Variants in KALRN observed in about 807,000 individuals in gnomAD.
KALRN encodes kalirin RhoGEF kinase.
KALRN carries 70 observed loss-of-function variants against 353.7 expected under a neutral mutation model. That is an observed-to-expected ratio of 0.20 (90% confidence interval 0.16 to 0.24). The LOEUF (loss-of-function observed/expected upper bound fraction) is 0.24, where lower values mean the gene tolerates loss of function less well. Among genes scored for constraint, KALRN ranks in the 10% least tolerant of loss-of-function variants. KALRN has a pLI of 1.00. For missense variants in KALRN, 2,791 were observed against 3,756.7 expected (o/e 0.74, Z 6.72); for synonymous variants, 1,391 against 1,434.8 (o/e 0.97, Z 0.69).
intron 9 of KALRN, among the ~76,000 whole-genome samples, chr3:124,344,884 T>C (rs1262586047): frequency 6.6e-6 from 1 of 152,208 alleles, no homozygotes; most frequent in Non-Finnish European, 1.5e-5. Context: ...GCAAAGTAAC[T>C]TAAAAAGGAA....
chr3:124,713,471 G>A (rs553467217), intron 58 of KALRN, among the ~76,000 whole-genome samples: 4 of 152,134 alleles, frequency 2.6e-5, no homozygotes, highest in South Asian at 4.2e-4. Context: ...AGAGCTTGTC[G>A]ACAGTAGGCT....
intron 34 of KALRN, among the ~76,000 whole-genome samples, chr3:124,609,045 A>G (rs531349636): frequency 6.6e-6 from 1 of 152,304 alleles, no homozygotes; most frequent in South Asian, 2.1e-4. Context: ...AGCGGACTGA[A>G]GAAAGGTCAT....
chr3:124,396,242 C>A (rs548096978), intron 12 of KALRN, among the ~76,000 whole-genome samples: 1 of 143,060 alleles, frequency 7.0e-6, no homozygotes, highest in African/African-American at 2.5e-5. Flanking sequence ...GAGGGAATTA[C>A]GTCAATTGGA....
chr3:124,063,741 G>A (rs2042143090), intron 1 of KALRN, among the ~76,000 whole-genome samples: 1 of 152,210 alleles, frequency 6.6e-6, no homozygotes, highest in Non-Finnish European at 1.5e-5. Context: ...ATATTTGGCA[G>A]ATGGTCAACT....
chr3:124,703,093 T>C (rs593672), intron 57 of KALRN, among the ~76,000 whole-genome samples: 93,636 of 151,970 alleles, frequency 0.62, 29,138 homozygotes, highest in East Asian at 0.9. Flanking sequence ...TTGACATCAT[T>C]TCTAGCTCTG....
At chr3:124,107,700 A>T (rs2062436473) in intron 1 of KALRN, among the ~76,000 whole-genome samples, 1 of 152,192 alleles carries the variant, frequency 6.6e-6, no homozygotes, top group Non-Finnish European at 1.5e-5. Context: ...CTGCGCTGGC[A>T]GAGGCAGCAC....
chr3:124,209,368 G>T (rs1322601926), intron 1 of KALRN, among the ~76,000 whole-genome samples: 1 of 151,752 alleles, frequency 6.6e-6, no homozygotes, highest in Non-Finnish European at 1.5e-5. Context: ...CAGCTGGGTG[G>T]TGGTGGTGTG....
chr3:124,108,548 C>A lies in KALRN; in HGVS notation c.73+74735C>A, dbSNP rs567803534. 3.2e-4 allele frequency among the ~76,000 whole-genome samples: 49 copies of A among 152,236 alleles called. No homozygotes were observed. In the South Asian group the frequency reaches 9.4e-3, roughly 29 times the overall value. On this transcript the variant is annotated intron_variant, in intron 1 of 59. Coordinates refer to ENST00000682506, the MANE Select transcript of KALRN (RefSeq NM_001388419.1). ...TCCTTGGTCATGTGACCTGCTTTGGCCAATGAAACGTGAGCAGAAGTCAGG... is the reference window on the plus strand; with the variant it reads ...TCCTTGGTCATGTGACCTGCTTTGGACAATGAAACGTGAGCAGAAGTCAGG...
intron 1 of KALRN, among the ~76,000 whole-genome samples, chr3:124,188,837 A>G (rs980946132): frequency 2.0e-5 from 3 of 152,158 alleles, no homozygotes; most frequent in Non-Finnish European, 4.4e-5. Flanking sequence ...ACTTTAGCAT[A>G]TTTGTATTCG....
In KALRN at chr3:124,334,370, C is replaced by G. The variant is rs1444242851; in HGVS notation, c.1522C>G (p.Gln508Glu). 8.1e-6 allele frequency: 13 copies of G among 1,614,254 alleles called. No homozygotes were observed. Among genetic ancestry groups the G allele is most frequent in the Non-Finnish European group, 1.1e-5 (13 of 1,180,042 alleles). Residue 508 changes from glutamine (Q) to glutamate (E), a missense_variant, in exon 9 of 60, where the codon CAG becomes GAG. Transcript: ENST00000682506. This position sits in a 1 kb window ranked among gnomAD's most constrained non-coding sequence, Gnocchi z 4.2. ...AGCCAACTACTCCAAGGCAGTGCAC[C>G]AGGTGCTGGACGTGGTGCATGAGGT... is the stretch of plus-strand genomic sequence containing the variant. The part of the protein sequence containing the change: ...ATANYSKAVH[Q>E]VLDVVHEVLH...
intron 1 of KALRN, among the ~76,000 whole-genome samples, chr3:124,221,461 C>T (rs1452810062): frequency 6.6e-6 from 1 of 152,160 alleles, no homozygotes; most frequent in Non-Finnish European, 1.5e-5. Flanking sequence ...GCATCAGGAT[C>T]AGTTAATGGG....
chr3:124,405,008 G>A (rs2091352640), intron 13 of KALRN, among the ~76,000 whole-genome samples: 1 of 152,044 alleles, frequency 6.6e-6, no homozygotes, highest in Non-Finnish European at 1.5e-5. Flanking sequence ...TCATCTTTGT[G>A]CACTCTTCCT....
chr3:124,547,323 A>AT (rs1050687653), intron 33 of KALRN, among the ~76,000 whole-genome samples: 1 of 151,396 alleles, frequency 6.6e-6, no homozygotes, highest in Non-Finnish European at 1.5e-5. Context: ...TTTATTTAGT[A>AT]TTTTTTACAG....
chr3:124,705,424 A>G (rs2062555568), intron 57 of KALRN, among the ~76,000 whole-genome samples: 1 of 152,186 alleles, frequency 6.6e-6, no homozygotes. Flanking sequence ...CAGATGAAAG[A>G]ATGATAAATG....
At chr3:124,434,881 A>C (rs372483610) in intron 17 of KALRN, among the ~76,000 whole-genome samples, 1 of 152,184 alleles carries the variant, frequency 6.6e-6, no homozygotes, top group Admixed American at 6.5e-5. Context: ...AAAACAATAA[A>C]CATTTATTTT....
chr3:124,652,840 G>A (rs1446508658), intron 38 of KALRN, among the ~76,000 whole-genome samples: 1 of 152,066 alleles, frequency 6.6e-6, no homozygotes, highest in Non-Finnish European at 1.5e-5. Flanking sequence ...GCCTCCCAAA[G>A]TGCTGGGATT....
At position 124,398,255 on chromosome 3, in the gene KALRN, A is replaced by T. The variant is rs535122717; in HGVS notation, c.2172-442A>T. On this transcript the variant is annotated intron_variant, in intron 12 of 59. Coordinates refer to ENST00000682506, the MANE Select transcript of KALRN (RefSeq NM_001388419.1). ...AACAAAGAGTCTGTGAAGTAAAACT[A>T]GGAAGATTTTTTTTAAAATATGCCT... 2.0e-5 allele frequency among the ~76,000 whole-genome samples: 3 copies of T among 152,326 alleles called. No homozygotes were observed. The South Asian group carries it at 6.2e-4, about 32-fold the overall frequency.
At chr3:124,260,357 A>G (rs1373280179) in intron 3 of KALRN, among the ~76,000 whole-genome samples, 1 of 152,150 alleles carries the variant, frequency 6.6e-6, no homozygotes, top group African/African-American at 2.4e-5. Flanking sequence ...GCCTCCACTC[A>G]TGCTCTGCCT....
intron 1 of KALRN, among the ~76,000 whole-genome samples, chr3:124,212,189 T>C (rs952543678): frequency 4.6e-5 from 7 of 151,864 alleles, no homozygotes; most frequent in Non-Finnish European, 8.8e-5. Flanking sequence ...TTAATACATA[T>C]TTGTTGTAGA....
Sources: gnomAD v4.1 joint callset for allele counts (sites outside exome capture counted in the v4.1 genomes callset) on GRCh38, gnomAD v4.1.1 for gene constraint, Gnocchi (gnomAD v3.1) non-coding constraint, MANE v1.5 for transcripts, NCBI Gene and HGNC (gene_info 2026-07-23, HGNC 2026-07-21) for gene names.